SYT14: variants seen among roughly 807,000 people sequenced by gnomAD.
SYT14 encodes synaptotagmin 14.
Under a neutral mutation model 74.2 loss-of-function variants are expected in SYT14, and 32 were observed. The observed-to-expected ratio is 0.43, with a 90% CI of 0.33 to 0.58. The LOEUF (loss-of-function observed/expected upper bound fraction) is 0.58, where lower values mean the gene tolerates loss of function less well. SYT14 is among the 20% of genes least tolerant of loss of function. SYT14 has a pLI of 0.05. For missense variants in SYT14, 791 were observed against 981.8 expected (o/e 0.81, Z 2.60); for synonymous variants, 298 against 337.7 (o/e 0.88, Z 1.29).
At chr1:209,991,114 C>G (rs947949632) in intron 2 of SYT14, among the ~76,000 whole-genome samples, 2 of 152,040 alleles carry the variant, frequency 1.3e-5, no homozygotes, top group African/African-American at 4.8e-5. Context: ...ACTCTCACCA[C>G]ATACAAAAAA....
exon 10 of SYT14, chr1:210,163,016 A>G: frequency 2.2e-6 from 1 of 453,650 alleles, no homozygotes; most frequent in Non-Finnish European, 4.4e-6. Context: ...CAGTATGAAA[A>G]AAGACTTGAA....
chr1:209,950,454 G>A (rs1250355446), intron 1 of SYT14, among the ~76,000 whole-genome samples: 1 of 152,166 alleles, frequency 6.6e-6, no homozygotes, highest in African/African-American at 2.4e-5. Context: ...TAGCCTTTCA[G>A]CAAGTGATCT....
intron 5 of SYT14, among the ~76,000 whole-genome samples, chr1:210,053,678 T>A (rs1378782927): frequency 6.6e-6 from 1 of 152,178 alleles, no homozygotes; most frequent in Non-Finnish European, 1.5e-5. Flanking sequence ...TTGTGGATTG[T>A]GTCTATAGTT....
At chr1:210,007,881 G>A (rs570628420) in intron 2 of SYT14, among the ~76,000 whole-genome samples, 3 of 152,180 alleles carry the variant, frequency 2.0e-5, no homozygotes, top group South Asian at 2.1e-4. Context: ...TAATATTATA[G>A]TACTTATCAT....
intron 7 of SYT14, among the ~76,000 whole-genome samples, chr1:210,124,648 A>G (rs2082530979): frequency 6.6e-6 from 1 of 152,216 alleles, no homozygotes; most frequent in South Asian, 2.1e-4. Context: ...AAGGCTTCAA[A>G]ATGGTAAAGA....
intron 5 of SYT14, among the ~76,000 whole-genome samples, chr1:210,022,882 G>A (rs1397511422): frequency 6.6e-6 from 1 of 151,788 alleles, no homozygotes; most frequent in Non-Finnish European, 1.5e-5. Flanking sequence ...CCCCTCTGCT[G>A]TCTTGAGCAC....
At chr1:210,030,086 G>C (rs1271382035) in intron 5 of SYT14, among the ~76,000 whole-genome samples, 1 of 151,854 alleles carries the variant, frequency 6.6e-6, no homozygotes, top group Non-Finnish European at 1.5e-5. Flanking sequence ...GGTTTTTTTA[G>C]TGTTGACTTT....
intron 2 of SYT14, among the ~76,000 whole-genome samples, chr1:210,009,583 A>G (rs539205673): frequency 6.6e-5 from 10 of 152,164 alleles, no homozygotes; most frequent in South Asian, 6.2e-4. Flanking sequence ...ACCATTAATA[A>G]AGCCTGGCAC....
At chr1:210,089,705 G>C (rs1043746600) in intron 5 of SYT14, among the ~76,000 whole-genome samples, 4 of 152,058 alleles carry the variant, frequency 2.6e-5, no homozygotes, top group African/African-American at 9.7e-5. Flanking sequence ...CTGATTTCTA[G>C]TTTAATTCTG....
intron 2 of SYT14, among the ~76,000 whole-genome samples, chr1:209,996,592 C>T (rs1258531954): frequency 6.6e-6 from 1 of 152,008 alleles, no homozygotes; most frequent in Non-Finnish European, 1.5e-5. Flanking sequence ...AGGGACTCCT[C>T]CCTAACTCAT....
intron 2 of SYT14, among the ~76,000 whole-genome samples, chr1:209,985,357 A>G (rs915298913): frequency 3.9e-5 from 6 of 152,264 alleles, no homozygotes; most frequent in African/African-American, 7.2e-5. Context: ...ATTAAATCTT[A>G]AAAGTTCCAA....
intron 7 of SYT14, among the ~76,000 whole-genome samples, chr1:210,105,148 G>A (rs941276574): frequency 2.6e-5 from 4 of 152,054 alleles, no homozygotes; most frequent in African/African-American, 7.2e-5. Flanking sequence ...AACACTGAGG[G>A]TAGGGCCCAG....
chr1:210,033,302 A>G (rs758438676), intron 5 of SYT14, among the ~76,000 whole-genome samples: 4 of 151,878 alleles, frequency 2.6e-5, no homozygotes, highest in Non-Finnish European at 5.9e-5. Flanking sequence ...TTCATGTTAA[A>G]TAATTACAGA....
intron 7 of SYT14, among the ~76,000 whole-genome samples, chr1:210,131,562 T>C (rs1335798347): frequency 1.3e-5 from 2 of 151,620 alleles, no homozygotes; most frequent in Non-Finnish European, 2.9e-5. Context: ...TATATGTATA[T>C]GTACATATAC....
At chr1:210,024,669 A>G (rs1294775789) in intron 5 of SYT14, among the ~76,000 whole-genome samples, 1 of 152,174 alleles carries the variant, frequency 6.6e-6, no homozygotes, top group African/African-American at 2.4e-5. Context: ...TTCAGATCGT[A>G]TATGCTTAGA....
intron 1 of SYT14, among the ~76,000 whole-genome samples, chr1:209,943,452 T>G (rs1459998449): frequency 8.0e-6 from 1 of 125,468 alleles, no homozygotes; most frequent in Non-Finnish European, 1.5e-5. Flanking sequence ...GACTGAGCAG[T>G]GAGTCAAGAT....
At chr1:209,975,615 A>C (rs1353453753) in intron 2 of SYT14, among the ~76,000 whole-genome samples, 1 of 152,178 alleles carries the variant, frequency 6.6e-6, no homozygotes, top group East Asian at 1.9e-4. Context: ...CCAGTATTTT[A>C]TTGAGGATTT....
intron 5 of SYT14, among the ~76,000 whole-genome samples, chr1:210,050,335 G>A (rs1369200394): frequency 6.6e-6 from 1 of 152,094 alleles, no homozygotes; most frequent in Non-Finnish European, 1.5e-5. Flanking sequence ...CTCATCACTG[G>A]AGACCACCTC....
chr1:209,979,381 A>G lies in SYT14; in HGVS notation c.-486+26625A>G, dbSNP rs1321767602. On this transcript the variant is annotated intron_variant, in intron 2 of 9. Transcript: ENST00000637265. ...GATCTTTCTTCCACCCTTTTCTTTG[A>G]GCCTGTGGATGTTGTTATGGATGAG... is the stretch of plus-strand genomic sequence containing the variant. 4.6e-5 allele frequency among the ~76,000 whole-genome samples: 7 copies of G among 151,940 alleles called. No homozygotes were observed. In the East Asian group the frequency reaches 1.4e-3, roughly 29 times the overall value.
Sources: allele counts gnomAD v4.1 joint callset (sites outside exome capture counted in the v4.1 genomes callset), GRCh38; gene constraint gnomAD v4.1.1; transcripts MANE v1.5; gene names NCBI Gene and HGNC (gene_info 2026-07-23, HGNC 2026-07-21).